Variants in STK32B observed in about 807,000 individuals in gnomAD.
The protein encoded by STK32B is serine/threonine-protein kinase 32B.
STK32B carries 43 observed loss-of-function variants against 52.6 expected under a neutral mutation model. The ratio of observed to expected loss-of-function variants is 0.82; its 90% confidence interval spans 0.64 to 1.05. The LOEUF (loss-of-function observed/expected upper bound fraction) is 1.05. Ranked by LOEUF, STK32B falls within the 50% of genes least tolerant of loss-of-function variation. The pLI, the probability that STK32B is intolerant of heterozygous loss-of-function variation, is 0.00. For missense variants in STK32B, 621 were observed against 534.6 expected, an observed-to-expected ratio of 1.16 and a Z score of -1.59; for synonymous variants, 238 against 204.3, an observed-to-expected ratio of 1.17 and a Z score of -1.41.
chr4:5,187,292 C>T (rs1004261500), intron 3 of STK32B, among the ~76,000 whole-genome samples: 1 of 152,198 alleles, frequency 6.6e-6, no homozygotes, highest in Non-Finnish European at 1.5e-5. Context: ...GTCTTCTGAA[C>T]CAGGACTCTC....
chr4:5,115,584 A>G (rs1027723317), intron 1 of STK32B, among the ~76,000 whole-genome samples: 1 of 151,510 alleles, frequency 6.6e-6, no homozygotes, highest in African/African-American at 2.4e-5. Flanking sequence ...GGGCAACTGG[A>G]GAAGTGTAAC....
intron 1 of STK32B, among the ~76,000 whole-genome samples, chr4:5,057,502 C>T (rs1262225099): frequency 6.6e-6 from 1 of 152,180 alleles, no homozygotes; most frequent in Non-Finnish European, 1.5e-5. Flanking sequence ...GAAGGCAAAG[C>T]TTTTCCCTGC....
At chr4:5,355,776 A>T (rs538478289) in intron 4 of STK32B, among the ~76,000 whole-genome samples, 1 of 152,206 alleles carries the variant, frequency 6.6e-6, no homozygotes, top group Non-Finnish European at 1.5e-5. Context: ...CATTAAGAAG[A>T]TATGATACCT....
chr4:5,241,251 A>G (rs1725001168), intron 3 of STK32B, among the ~76,000 whole-genome samples: 1 of 152,216 alleles, frequency 6.6e-6, no homozygotes, highest in Non-Finnish European at 1.5e-5. Flanking sequence ...TTATGTTTAT[A>G]AATGAGGCTG....
chr4:5,438,059 G>C lies in STK32B; in HGVS notation c.563-8614G>C, dbSNP rs531897629. 104 of 985,606 alleles carry C rather than the reference G, an allele frequency of 1.1e-4. No homozygotes were observed. The South Asian group carries it at 4.4e-3, about 41-fold the overall frequency. The allele number at this position is 985,606 out of a possible 1,614,324, so 61.1% of individuals were successfully genotyped here. On this transcript the variant is annotated intron_variant, in intron 6 of 11. Transcript: ENST00000282908. Reference sequence around the variant, plus strand: ...TCTACCCTGAGTTCTGAATGGACTTGGGGCTGCCAGGCATGACAAGGTTTG... The same window carrying C: ...TCTACCCTGAGTTCTGAATGGACTTCGGGCTGCCAGGCATGACAAGGTTTG...
chr4:5,312,285 CT>C (rs1392700046), intron 3 of STK32B, among the ~76,000 whole-genome samples: 7 of 144,952 alleles, frequency 4.8e-5, no homozygotes, highest in African/African-American at 1.7e-4. Flanking sequence ...TATTAGGTTT[CT>C]TTTTTTATTT....
At chr4:5,166,995 A>AAGGAACCAATACAGTCCCTCCTCGGGGTG (rs1577131339) in intron 2 of STK32B, among the ~76,000 whole-genome samples, 2 of 152,136 alleles carry the variant, frequency 1.3e-5, no homozygotes, top group African/African-American at 2.4e-5. Context: ...CTAACTGTCC[A>AAGGAACCAATACAGTCCCTCCTCGGGGTG]TGCCACATGT....
chr4:5,352,194 T>C (rs149847583), intron 4 of STK32B, among the ~76,000 whole-genome samples: 281 of 152,206 alleles, frequency 1.8e-3, no homozygotes, highest in African/African-American at 6.4e-3. Context: ...GTAAAAATTC[T>C]CAAGAAAATA....
At chr4:5,461,622 G>T (rs1440944677) in intron 9 of STK32B, among the ~76,000 whole-genome samples, 1 of 152,198 alleles carries the variant, frequency 6.6e-6, no homozygotes. Flanking sequence ...GAGCAGCGTT[G>T]CATCCCCACC....
chr4:5,215,942 C>A (rs1389056293), intron 3 of STK32B, among the ~76,000 whole-genome samples: 1 of 152,146 alleles, frequency 6.6e-6, no homozygotes, highest in African/African-American at 2.4e-5. Flanking sequence ...TGTTATAGAA[C>A]TTTTTTAATT....
intron 5 of STK32B, among the ~76,000 whole-genome samples, chr4:5,401,186 A>G (rs1341322482): frequency 6.6e-6 from 1 of 152,222 alleles, no homozygotes; most frequent in African/African-American, 2.4e-5. Context: ...ACTGTGAAAC[A>G]TGACCTAGCC....
At chr4:5,336,764 A>G (rs1046457043) in intron 4 of STK32B, among the ~76,000 whole-genome samples, 1 of 152,238 alleles carries the variant, frequency 6.6e-6, no homozygotes, top group East Asian at 1.9e-4. Context: ...AAGAGAAAAC[A>G]TAGAGGAAGA....
intron 3 of STK32B, among the ~76,000 whole-genome samples, chr4:5,296,411 G>C (rs546644497): frequency 6.6e-5 from 10 of 152,274 alleles, no homozygotes; most frequent in African/African-American, 2.2e-4. Flanking sequence ...CTCTTCATAG[G>C]TCTCTAAGAA....
chr4:5,316,447 CATATATA>C (rs1331583700), intron 3 of STK32B, among the ~76,000 whole-genome samples: 1 of 11,124 alleles, frequency 9.0e-5, no homozygotes, highest in Non-Finnish European at 1.1e-4. Flanking sequence ...ATATATATTA[CATATATA>C]ATATATAATA....
At chr4:5,297,674 G>T (rs560261786) in intron 3 of STK32B, among the ~76,000 whole-genome samples, 1 of 148,450 alleles carries the variant, frequency 6.7e-6, no homozygotes, top group African/African-American at 2.5e-5. Flanking sequence ...CTAGTTAGCA[G>T]TTCCTGTAAC....
intron 11 of STK32B, among the ~76,000 whole-genome samples, chr4:5,489,681 C>A (rs1016436308): frequency 3.3e-5 from 5 of 151,722 alleles, no homozygotes; most frequent in African/African-American, 1.2e-4. Flanking sequence ...AGTGCTGCAG[C>A]ACAATCTTGG....
At chr4:5,137,613 A>G (rs1446609700) in intron 1 of STK32B, among the ~76,000 whole-genome samples, 1 of 152,206 alleles carries the variant, frequency 6.6e-6, no homozygotes, top group Non-Finnish European at 1.5e-5. Context: ...CTATTTTACA[A>G]ATGAGATAAC....
At chr4:5,481,145 G>A (rs991670133) in intron 11 of STK32B, among the ~76,000 whole-genome samples, 2 of 152,172 alleles carry the variant, frequency 1.3e-5, no homozygotes, top group African/African-American at 4.8e-5. Flanking sequence ...CTAGATCCCT[G>A]AGGAATCGCG....
intron 2 of STK32B, among the ~76,000 whole-genome samples, chr4:5,153,807 A>G (rs556280182): frequency 6.6e-6 from 1 of 152,332 alleles, no homozygotes; most frequent in Admixed American, 6.5e-5. Flanking sequence ...CAAAATGTCT[A>G]CTAGAATGAA....
Sources: allele counts gnomAD v4.1 joint callset (sites outside exome capture counted in the v4.1 genomes callset), GRCh38; gene constraint gnomAD v4.1.1; transcripts MANE v1.5; gene names NCBI Gene and HGNC (gene_info 2026-07-23, HGNC 2026-07-21).